CPEB2: variants seen among roughly 807,000 people sequenced by gnomAD.
The protein encoded by CPEB2 is cytoplasmic polyadenylation element-binding protein 2.
In CPEB2, 56 loss-of-function variants were observed where a neutral mutation model predicts 93.6. That is an observed-to-expected ratio of 0.60 (90% confidence interval 0.48 to 0.75). The LOEUF is 0.75. Ranked by LOEUF, CPEB2 falls within the 30% of genes least tolerant of loss-of-function variation. The probability of loss-of-function intolerance (pLI) is 0.00; values close to 1 mark genes in which losing one functional copy is unlikely to be tolerated. For missense variants in CPEB2, 1,579 were observed against 1,395.1 expected, an observed-to-expected ratio of 1.13 and a Z score of -2.10; for synonymous variants, 764 against 586.3, an observed-to-expected ratio of 1.30 and a Z score of -4.38.
At chr4:15,061,277 T>C (rs1729166167) in intron 10 of CPEB2, among the ~76,000 whole-genome samples, 2 of 152,168 alleles carry the variant, frequency 1.3e-5, no homozygotes, top group South Asian at 4.1e-4. Flanking sequence ...TAGATAGTGT[T>C]GCAAGGATTG....
In CPEB2 at chr4:15,004,113, G is replaced by C; in HGVS notation, c.1440G>C (p.Thr480=). The C allele has an allele frequency of 6.5e-7, 1 of 1,548,710 alleles. No homozygotes were observed. The highest frequency in any genetic ancestry group is 8.7e-7 in the Non-Finnish European group (1 of 1,152,368). Residue 480 remains threonine (T), a synonymous_variant, in exon 1 of 12, where the codon ACG becomes ACC. Coordinates refer to ENST00000538197, the MANE Select transcript of CPEB2 (RefSeq NM_001177382.2). ...PHGCTGLSVP[T]SGGGGGGFGG... is the part of the protein sequence containing the mutation. ...GCTGCACTGGGCTCAGCGTTCCGAC[G>C]AGCGGCGGCGGCGGCGGCGGCTTCG...
chr4:15,053,091 G>A (rs1467768170), intron 7 of CPEB2, among the ~76,000 whole-genome samples: 1 of 151,256 alleles, frequency 6.6e-6, no homozygotes, highest in Non-Finnish European at 1.5e-5. Context: ...ATCTCGGCTC[G>A]CTGCAAACTC....
intron 1 of CPEB2, 138 bp from the exon 2 acceptor site, chr4:15,007,167 C>T (rs538382862): frequency 3.0e-6 from 2 of 667,346 alleles, no homozygotes; most frequent in South Asian, 8.8e-5. Flanking sequence ...AAGACTGTTA[C>T]TTTTATAACC....
intron 3 of CPEB2, among the ~76,000 whole-genome samples, chr4:15,013,767 A>G (rs985426124): frequency 6.6e-6 from 1 of 152,120 alleles, no homozygotes; most frequent in Admixed American, 6.5e-5. Flanking sequence ...GTTGCTTTAA[A>G]AATCACATGG....
At chr4:15,048,640 G>A (rs1727938367) in intron 6 of CPEB2, among the ~76,000 whole-genome samples, 1 of 151,724 alleles carries the variant, frequency 6.6e-6, no homozygotes, top group African/African-American at 2.4e-5. Flanking sequence ...GCTTTTTGTG[G>A]TAGAAACAAG....
chr4:15,025,983 C>A (rs1446348252), intron 4 of CPEB2, among the ~76,000 whole-genome samples: 1 of 152,088 alleles, frequency 6.6e-6, no homozygotes, highest in Non-Finnish European at 1.5e-5. Flanking sequence ...CTTTGAGACA[C>A]CTCTTTCAAA....
intron 5 of CPEB2, among the ~76,000 whole-genome samples, chr4:15,034,988 C>T (rs1726469243): frequency 6.6e-6 from 1 of 152,054 alleles, no homozygotes; most frequent in Admixed American, 6.6e-5. Flanking sequence ...TATTAGTGCT[C>T]CTGTACTAAG....
intron 3 of CPEB2, among the ~76,000 whole-genome samples, chr4:15,009,634 G>C (rs1209750367): frequency 6.6e-6 from 1 of 152,168 alleles, no homozygotes; most frequent in Non-Finnish European, 1.5e-5. Context: ...AAGGTGGCAA[G>C]AGAAATGTTT....
chr4:15,029,050 C>T (rs1413952624), intron 4 of CPEB2, among the ~76,000 whole-genome samples: 3 of 151,942 alleles, frequency 2.0e-5, no homozygotes, highest in Non-Finnish European at 4.4e-5. Context: ...GCTCAAGTCC[C>T]TTATGTAAAA....
rs553092220 is a variant in CPEB2 at position 15,064,301 on chromosome 4, T to C, written c.2878-1852T>C. Reference sequence around the variant, plus strand: ...TGTTAATGAAACTTCCTTTTGCATATAGAAGAGTTTAATTATTAGAGATTA... The same window carrying C: ...TGTTAATGAAACTTCCTTTTGCATACAGAAGAGTTTAATTATTAGAGATTA... On this transcript the variant is annotated intron_variant, in intron 11 of 11. Coordinates refer to ENST00000538197, the MANE Select transcript of CPEB2 (RefSeq NM_001177382.2). Among the ~76,000 whole-genome samples the C allele has an allele frequency of 2.6e-5, 4 of 152,226 alleles. No homozygotes were observed. The South Asian group carries it at 8.3e-4, about 32-fold the overall frequency.
intron 4 of CPEB2, among the ~76,000 whole-genome samples, chr4:15,031,929 G>A (rs555199829): frequency 5.9e-5 from 9 of 152,206 alleles, no homozygotes; most frequent in African/African-American, 2.2e-4. Flanking sequence ...GGTAGATGCA[G>A]TTAATCTGTA....
chr4:15,002,680 GA>G lies in CPEB2; in HGVS notation c.8del (p.Asp3ValfsTer57). 4 of 1,499,466 alleles carry G rather than the reference GA, an allele frequency of 2.7e-6. No individual in the cohort carries two copies. Among genetic ancestry groups the G allele is most frequent in the Non-Finnish European group, 3.6e-6 (4 of 1,125,164 alleles). 92.9% of individuals were successfully genotyped at this position (1,499,466 alleles called of 1,614,324 possible). A position where few individuals can be genotyped will look rare whatever the true frequency, so the allele number is the denominator to read the frequency against. On this transcript the variant is annotated frameshift_variant, in exon 1 of 12. Coordinates refer to ENST00000538197, the MANE Select transcript of CPEB2 (RefSeq NM_001177382.2). LOFTEE classifies it high-confidence loss of function. ...GCTGCCGGCGGCCTGATAAATGAGG[GA>G]TTTCGGGTTTGGGGTGCTGCAGACC... MR[D>X]FGFGVLQTAP...
chr4:15,027,713 T>C (rs1351840331), intron 4 of CPEB2, among the ~76,000 whole-genome samples: 1 of 152,224 alleles, frequency 6.6e-6, no homozygotes, highest in Non-Finnish European at 1.5e-5. Context: ...AGATATCTTC[T>C]ATTAAGGGTA....
chr4:15,021,011 A>G (rs192524452), intron 4 of CPEB2, among the ~76,000 whole-genome samples: 124 of 152,266 alleles, frequency 8.1e-4, no homozygotes, highest in African/African-American at 2.7e-3. Flanking sequence ...AGCATGTGCA[A>G]AAGCATGGAA....
chr4:15,061,185 G>T (rs1485195353), intron 10 of CPEB2, among the ~76,000 whole-genome samples: 1 of 152,140 alleles, frequency 6.6e-6, no homozygotes, highest in Non-Finnish European at 1.5e-5. Flanking sequence ...GTCCACACTA[G>T]AGATAAAAAT....
At chr4:15,029,830 T>A (rs1009175170) in intron 4 of CPEB2, among the ~76,000 whole-genome samples, 1 of 152,138 alleles carries the variant, frequency 6.6e-6, no homozygotes, top group African/African-American at 2.4e-5. Flanking sequence ...TCACTTTAGC[T>A]ATCACATCAG....
chr4:15,018,982 A>C (rs1223099214), intron 4 of CPEB2, among the ~76,000 whole-genome samples: 1 of 147,324 alleles, frequency 6.8e-6, no homozygotes, highest in South Asian at 2.1e-4. Context: ...ACACGCACAC[A>C]CACACGCATA....
intron 6 of CPEB2, among the ~76,000 whole-genome samples, chr4:15,050,837 T>C (rs964397970): frequency 2.0e-5 from 3 of 152,208 alleles, no homozygotes; most frequent in African/African-American, 7.2e-5. Flanking sequence ...GTGTTTATCA[T>C]TGATGTTATA....
intron 8 of CPEB2, among the ~76,000 whole-genome samples, chr4:15,055,733 C>T (rs1370195184): frequency 6.6e-6 from 1 of 152,156 alleles, no homozygotes; most frequent in Non-Finnish European, 1.5e-5. Context: ...TCTGCCTGGC[C>T]TTGCCTTCTT....
Sources: gnomAD v4.1 joint callset for allele counts (sites outside exome capture counted in the v4.1 genomes callset) on GRCh38, gnomAD v4.1.1 for gene constraint, MANE v1.5 for transcripts, NCBI Gene and HGNC (gene_info 2026-07-23, HGNC 2026-07-21) for gene names.